ZSCAN25: variants seen among roughly 807,000 people sequenced by gnomAD.
ZSCAN25 encodes zinc finger and SCAN domain-containing protein 25.
In ZSCAN25, 27 loss-of-function variants were observed where a neutral mutation model predicts 38.7. That is an observed-to-expected ratio of 0.70 (90% confidence interval 0.51 to 0.96). ZSCAN25 has a LOEUF of 0.96. Ranked by LOEUF, ZSCAN25 falls within the 40% of genes least tolerant of loss-of-function variation. The pLI, the probability that ZSCAN25 is intolerant of heterozygous loss-of-function variation, is 0.00. For synonymous variants in ZSCAN25, 273 were observed against 277.7 expected, an observed-to-expected ratio of 0.98 and a Z score of 0.17; for missense variants, 637 against 705.9, an observed-to-expected ratio of 0.90 and a Z score of 1.11.
chr7:99,732,515 C>A, the ZSCAN25 span, among the ~76,000 whole-genome samples: 1 of 152,062 alleles, frequency 6.6e-6, no homozygotes, highest in Non-Finnish European at 1.5e-5. Flanking sequence ...GTAGGAAAAC[C>A]CATCAAGGCT....
chr7:99,622,586 A>T lies in ZSCAN25; in HGVS notation c.627A>T (p.Ala209=). 1.2e-6 allele frequency: 2 copies of T among 1,614,124 alleles called. No individual in the cohort carries two copies. The highest frequency in any genetic ancestry group is 1.7e-6 in the Non-Finnish European group (2 of 1,180,008). The change falls in exon 6 of 8, where the codon GCA becomes GCT. Residue 209 remains alanine (A), a synonymous_variant. Transcript: ENST00000394152. ...PVLQAGPGLP[A]VNPRDQEMAA... ...TGCAGGCGGGTCCTGGCCTCCCCGC[A>T]GTGAATCCCAGAGACCAAGAGATGG...
At chr7:99,732,240 T>C in the ZSCAN25 span, among the ~76,000 whole-genome samples, 127 of 152,288 alleles carry the variant, frequency 8.3e-4, no homozygotes, top group Middle Eastern at 6.8e-3. Context: ...GCTCCAGTCA[T>C]GTAAGATCTG....
At chr7:99,672,730 C>G in the ZSCAN25 span, 7 of 1,610,896 alleles carry the variant, frequency 4.3e-6, no homozygotes, top group East Asian at 4.5e-5. Context: ...GATTCTGCAG[C>G]TGGAGCCACA....
the ZSCAN25 span, among the ~76,000 whole-genome samples, chr7:99,723,885 C>T: frequency 6.6e-6 from 1 of 152,318 alleles, no homozygotes; most frequent in Non-Finnish European, 1.5e-5. Context: ...AACAGTCTTC[C>T]CTTGGTGTCT....
the ZSCAN25 span, chr7:99,708,020 C>T: frequency 2.5e-6 from 4 of 1,612,842 alleles, no homozygotes; most frequent in South Asian, 4.4e-5. Context: ...GACATAATAC[C>T]TCTAAGAGTT....
chr7:99,620,021 C>G, intron 4 of ZSCAN25, 28 bp downstream of exon 4: 1 of 1,584,864 alleles, frequency 6.3e-7, no homozygotes, highest in South Asian at 1.1e-5. Context: ...CCAGGTCTGG[C>G]GCCCTTGGCG....
At chr7:99,707,971 G>C in the ZSCAN25 span, 1 of 1,613,796 alleles carries the variant, frequency 6.2e-7, no homozygotes, top group African/African-American at 1.3e-5. Flanking sequence ...TCTTTTTACT[G>C]AACCTGGTTC....
chr7:99,639,622 T>C, the ZSCAN25 span, among the ~76,000 whole-genome samples: 3 of 152,176 alleles, frequency 2.0e-5, no homozygotes, highest in African/African-American at 7.2e-5. Flanking sequence ...CTTTACTCCA[T>C]AATAGGAGAC....
the ZSCAN25 span, among the ~76,000 whole-genome samples, chr7:99,721,194 T>C: frequency 1.3e-5 from 2 of 152,190 alleles, no homozygotes; most frequent in East Asian, 3.8e-4. Flanking sequence ...TCTCTTCAAA[T>C]TCAGCAGAAA....
the ZSCAN25 span, chr7:99,717,638 G>C: frequency 6.2e-7 from 1 of 1,613,410 alleles, no homozygotes; most frequent in Non-Finnish European, 8.5e-7. Flanking sequence ...TGGCCCGAAA[G>C]GCTAGAGTTC....
chr7:99,631,523 T>A lies in ZSCAN25; in HGVS notation c.*1503T>A. ...TTGTGCTGTGCCTTTGAACCCTGGCTGAGTGAGTGAGTTTGTCCTTTGTTG... is the reference window on the plus strand; with the variant it reads ...TTGTGCTGTGCCTTTGAACCCTGGCAGAGTGAGTGAGTTTGTCCTTTGTTG... On this transcript the variant is annotated 3_prime_UTR_variant, in exon 8 of 8. Coordinates refer to ENST00000394152, the MANE Select transcript of ZSCAN25 (RefSeq NM_145115.3). 1 of 985,558 alleles carries A rather than the reference T, an allele frequency of 1.0e-6. No homozygotes were observed. The highest frequency in any genetic ancestry group is 1.2e-6 in the Non-Finnish European group (1 of 829,944). The allele number at this position is 985,558 out of a possible 1,614,324, so 61.1% of individuals were successfully genotyped here.
intron 7 of ZSCAN25, among the ~76,000 whole-genome samples, chr7:99,627,828 T>G (rs968067165): frequency 9.9e-5 from 15 of 152,060 alleles, no homozygotes; most frequent in Non-Finnish European, 1.0e-4. Context: ...ATGCTGTATA[T>G]GTATATACTG....
chr7:99,632,986 G>GTTGTTTTTTTTTTTTTTTTTTTT (rs1808108383), downstream of ZSCAN25, among the ~76,000 whole-genome samples: 191 of 141,434 alleles, frequency 1.4e-3, 2 homozygotes, highest in African/African-American at 5.2e-3. Context: ...TGCATTTTCT[G>GTTGTTTTTTTTTTTTTTTTTTTT]TTGTTTTTTT....
the ZSCAN25 span, chr7:99,722,490 G>T: frequency 9.8e-7 from 1 of 1,024,880 alleles, no homozygotes; most frequent in Non-Finnish European, 1.4e-6. Flanking sequence ...TGTCATAAGA[G>T]AAAGGAAACA....
In ZSCAN25 at chr7:99,629,937, G is replaced by C. The variant is rs1180392382; in HGVS notation, c.1552G>C (p.Ala518Pro). ...AGGGGAGAAGCCCTACCACTGTCCT[G>C]CCTGCGGGCGAAGCTTCAACCAGAG... is the stretch of plus-strand genomic sequence containing the variant. ...HTGEKPYHCP[A>P]CGRSFNQRSI... The change falls in exon 8 of 8, where the codon GCC (alanine) becomes CCC (proline). Residue 518 changes from alanine to proline, a missense_variant. Coordinates refer to ENST00000394152, the MANE Select transcript of ZSCAN25 (RefSeq NM_145115.3). The surrounding 1 kb of genome is among the most constrained non-coding windows in gnomAD (Gnocchi z 5.6). The C allele has an allele frequency of 3.1e-6, 5 of 1,613,694 alleles. No homozygotes were observed. The highest frequency in any genetic ancestry group is 4.2e-6 in the Non-Finnish European group (5 of 1,179,824).
chr7:99,679,675 A>G, the ZSCAN25 span: 1 of 690,266 alleles, frequency 1.4e-6, no homozygotes, highest in Non-Finnish European at 2.5e-6. Context: ...TGCATAAGAT[A>G]ATAATAACTT....
the ZSCAN25 span, among the ~76,000 whole-genome samples, chr7:99,725,557 C>G: frequency 3.9e-5 from 6 of 152,220 alleles, no homozygotes; most frequent in Non-Finnish European, 8.8e-5. Context: ...AAAAGCCTGG[C>G]CACTGGGCCT....
At chr7:99,662,843 T>G in the ZSCAN25 span, 1 of 1,613,998 alleles carries the variant, frequency 6.2e-7, no homozygotes. This position sits in a 1 kb window ranked among gnomAD's most constrained non-coding sequence, Gnocchi z 4.3. Context: ...TCTTTCGAAT[T>G]CTGGGAGTCA....
chr7:99,734,615 CT>C, the ZSCAN25 span, among the ~76,000 whole-genome samples: 1 of 149,794 alleles, frequency 6.7e-6, no homozygotes, highest in Non-Finnish European at 1.5e-5. Flanking sequence ...CTTTTTTTTT[CT>C]TTTTTTTCTC....
Sources: allele counts gnomAD v4.1 joint callset (sites outside exome capture counted in the v4.1 genomes callset), GRCh38; gene constraint gnomAD v4.1.1; non-coding constraint Gnocchi (gnomAD v3.1); transcripts MANE v1.5; gene names NCBI Gene and HGNC (gene_info 2026-07-23, HGNC 2026-07-21).